PAX5: variants seen among roughly 807,000 people sequenced by gnomAD.
The protein encoded by PAX5 is paired box 5, also known as paired box protein Pax-5.
Under a neutral mutation model 43.7 loss-of-function variants are expected in PAX5, and 9 were observed. The ratio of observed to expected loss-of-function variants is 0.21; its 90% CI spans 0.12 to 0.36. The LOEUF (loss-of-function observed/expected upper bound fraction) is 0.36, where lower values mean the gene tolerates loss of function less well. Among genes scored for constraint, PAX5 ranks in the 10% least tolerant of loss-of-function variants. PAX5 has a pLI of 1.00. For synonymous variants in PAX5, 228 were observed against 214.3 expected (o/e 1.06, Z -0.56); for missense variants, 383 against 532.7 (o/e 0.72, Z 2.77).
In PAX5 at chr9:36,969,156, G is replaced by A. The variant is rs1342132089; in HGVS notation, c.605-2432C>T. Among the ~76,000 whole-genome samples the A allele has an allele frequency of 1.3e-5, 2 of 151,016 alleles. 1 individual carries two copies. Among genetic ancestry groups the A allele is most frequent in the African/African-American group, 4.9e-5 (2 of 40,868 alleles). ...TCCCAGCCCTGACCCTGCCAGCCGGGCCCAAAACTCAGTGAAACCTCCTTC... is the reference window on the plus strand; with the variant it reads ...TCCCAGCCCTGACCCTGCCAGCCGGACCCAAAACTCAGTGAAACCTCCTTC... On this transcript the variant is annotated intron_variant, in intron 5 of 9. Transcript: ENST00000358127.
chr9:36,911,306 C>T (rs1186644380), intron 7 of PAX5, among the ~76,000 whole-genome samples: 1 of 151,890 alleles, frequency 6.6e-6, no homozygotes. Context: ...GATATTATCT[C>T]CTTTCCAATG....
At chr9:36,942,501 TAC>T (rs1832131165) in intron 6 of PAX5, among the ~76,000 whole-genome samples, 1 of 152,208 alleles carries the variant, frequency 6.6e-6, no homozygotes. Context: ...CAGCACCTTT[TAC>T]ACACAGAGTC....
chr9:36,966,760 G>T (rs751020692), intron 5 of PAX5, 36 bp from the exon 6 acceptor site: 11 of 1,585,574 alleles, frequency 6.9e-6, no homozygotes, highest in Non-Finnish European at 9.5e-6. Flanking sequence ...GTGAGTGGAG[G>T]TTATACACGT....
At chr9:36,886,214 A>C (rs1826895387) in intron 7 of PAX5, among the ~76,000 whole-genome samples, 1 of 152,208 alleles carries the variant, frequency 6.6e-6, no homozygotes, top group Non-Finnish European at 1.5e-5. Flanking sequence ...TACTGTGTTA[A>C]GACCTGAGTT....
At chr9:36,949,369 A>G (rs1048461591) in intron 6 of PAX5, among the ~76,000 whole-genome samples, 1 of 152,174 alleles carries the variant, frequency 6.6e-6, no homozygotes, top group African/African-American at 2.4e-5. Flanking sequence ...CAACACAAGT[A>G]TTGTTATTAT....
intron 6 of PAX5, among the ~76,000 whole-genome samples, chr9:36,965,320 T>C (rs1834324330): frequency 6.6e-6 from 1 of 152,228 alleles, no homozygotes; most frequent in African/African-American, 2.4e-5. Context: ...ACCCAGTGCA[T>C]GGCTCCAGGC....
chr9:36,959,056 G>A (rs4618786), intron 6 of PAX5, among the ~76,000 whole-genome samples: 28,068 of 152,188 alleles, frequency 0.18, 2,884 homozygotes, highest in African/African-American at 0.23. Context: ...CAGGGCCATG[G>A]CTCCTGTGAT....
At chr9:36,883,614 T>G (rs1332509817) in intron 7 of PAX5, among the ~76,000 whole-genome samples, 1 of 152,150 alleles carries the variant, frequency 6.6e-6, no homozygotes, top group Admixed American at 6.5e-5. Context: ...TAGGTTGCAG[T>G]GAGCTGAGGT....
At chr9:37,014,762 G>A (rs970564411) in intron 3 of PAX5, among the ~76,000 whole-genome samples, 4 of 152,122 alleles carry the variant, frequency 2.6e-5, no homozygotes, top group Admixed American at 6.5e-5. Flanking sequence ...AAACTCGAGC[G>A]GCCAGGGTGT....
chr9:36,959,149 A>G (rs762443451), intron 6 of PAX5, among the ~76,000 whole-genome samples: 1 of 152,196 alleles, frequency 6.6e-6, no homozygotes, highest in Non-Finnish European at 1.5e-5. Context: ...CTTCAGTGTA[A>G]AAGATCTTCT....
At chr9:36,951,228 T>G (rs980183519) in intron 6 of PAX5, among the ~76,000 whole-genome samples, 5 of 152,236 alleles carry the variant, frequency 3.3e-5, no homozygotes, top group African/African-American at 1.2e-4. Context: ...CATGTGTCTA[T>G]TCTATTAAGC....
chr9:36,937,139 C>T (rs995569585), intron 6 of PAX5, among the ~76,000 whole-genome samples: 19 of 152,216 alleles, frequency 1.2e-4, no homozygotes, highest in African/African-American at 4.3e-4. Flanking sequence ...CCTCACATAC[C>T]TTTACTAAGA....
intron 6 of PAX5, among the ~76,000 whole-genome samples, chr9:36,953,257 C>T (rs1369028491): frequency 1.3e-5 from 2 of 152,116 alleles, no homozygotes; most frequent in Non-Finnish European, 2.9e-5. Flanking sequence ...TTACCTCTGG[C>T]TTCTTTCAAG....
intron 6 of PAX5, among the ~76,000 whole-genome samples, chr9:36,928,279 C>T (rs759851570): frequency 6.6e-6 from 1 of 152,202 alleles, no homozygotes; most frequent in Non-Finnish European, 1.5e-5. Context: ...CAGACACTGT[C>T]CTACCTCCGC....
chr9:36,869,875 A>ATGGATGG (rs1825272286), intron 8 of PAX5, among the ~76,000 whole-genome samples: 2 of 43,004 alleles, frequency 4.7e-5, no homozygotes, highest in African/African-American at 1.7e-4. Flanking sequence ...TGGATGGATA[A>ATGGATGG]ATGGATGGAT....
At chr9:36,907,587 C>T (rs977761524) in intron 7 of PAX5, among the ~76,000 whole-genome samples, 1 of 152,208 alleles carries the variant, frequency 6.6e-6, no homozygotes, top group Non-Finnish European at 1.5e-5. Context: ...GCTGTTCAGC[C>T]ACACTGCTAG....
chr9:37,020,773 C>G lies in PAX5; in HGVS notation c.75G>C (p.Gly25=). ...GGAGTGGCCGTCCATTCACAAAAAC[C>G]CCCCCAAGCTGATTCACTCCTCCAT... ...TGHGGVNQLG[G]VFVNGRPLPD... Residue 25 remains glycine, a synonymous_variant, in exon 2 of 10, where the codon GGG becomes GGC. Coordinates refer to ENST00000358127, the MANE Select transcript of PAX5 (RefSeq NM_016734.3). 2.5e-6 allele frequency: 4 copies of G among 1,614,106 alleles called. No homozygotes were observed. Among genetic ancestry groups the G allele is most frequent in the Non-Finnish European group, 3.4e-6 (4 of 1,180,018 alleles).
At chr9:36,909,812 T>A (rs1829107964) in intron 7 of PAX5, among the ~76,000 whole-genome samples, 1 of 130,144 alleles carries the variant, frequency 7.7e-6, no homozygotes, top group Non-Finnish European at 1.6e-5. Context: ...CTAGACATTT[T>A]AATTTTTTTT....
chr9:37,011,862 A>G (rs942373659), intron 3 of PAX5, among the ~76,000 whole-genome samples: 14 of 152,124 alleles, frequency 9.2e-5, no homozygotes, highest in African/African-American at 3.1e-4. Context: ...GTTGCCTCCA[A>G]GGGAGGCAAG....
Sources: allele counts gnomAD v4.1 joint callset (sites outside exome capture counted in the v4.1 genomes callset), GRCh38; gene constraint gnomAD v4.1.1; transcripts MANE v1.5; gene names NCBI Gene and HGNC (gene_info 2026-07-23, HGNC 2026-07-21).